The following LRRC4C variants were observed in gnomAD, a reference collection of about 807,000 sequenced individuals.
LRRC4C encodes the protein leucine rich repeat containing 4C.
In LRRC4C, 5 loss-of-function variants were observed where a neutral mutation model predicts 33.6. The observed-to-expected ratio is 0.15, with a 90% confidence interval of 0.08 to 0.31. LRRC4C has a LOEUF of 0.31. LRRC4C is among the 10% of genes least tolerant of loss of function. The probability of loss-of-function intolerance (pLI) is 1.00; values close to 1 mark genes in which losing one functional copy is unlikely to be tolerated. For missense variants in LRRC4C, 560 were observed against 796.7 expected (o/e 0.70, Z 3.58); for synonymous variants, 329 against 302.0 (o/e 1.09, Z -0.93).
At chr11:40,744,218 C>T (rs1363034663) in intron 2 of LRRC4C, among the ~76,000 whole-genome samples, 1 of 151,846 alleles carries the variant, frequency 6.6e-6, no homozygotes, top group Non-Finnish European at 1.5e-5. Flanking sequence ...TTTAGTGTGT[C>T]AGATGGAGCA....
At chr11:40,196,137 C>T (rs1456207703) in intron 5 of LRRC4C, among the ~76,000 whole-genome samples, 3 of 152,098 alleles carry the variant, frequency 2.0e-5, no homozygotes, top group African/African-American at 7.2e-5. Context: ...GAGCTTTTTG[C>T]TTCTCGTGGA....
At chr11:40,274,407 C>A (rs916115890) in intron 4 of LRRC4C, among the ~76,000 whole-genome samples, 1 of 105,678 alleles carries the variant, frequency 9.5e-6, no homozygotes, top group African/African-American at 3.4e-5. Context: ...GCTTACCCTG[C>A]GGAATAGACA....
chr11:41,074,356 T>C (rs970627623), intron 1 of LRRC4C, among the ~76,000 whole-genome samples: 4 of 152,202 alleles, frequency 2.6e-5, no homozygotes, highest in Non-Finnish European at 2.9e-5. Flanking sequence ...CCTTACTCTA[T>C]AATGAAATCA....
chr11:40,907,344 A>C (rs939943484), intron 2 of LRRC4C, among the ~76,000 whole-genome samples: 10 of 152,196 alleles, frequency 6.6e-5, no homozygotes, highest in Non-Finnish European at 1.0e-4. Context: ...AGTTACTAAG[A>C]GGATGCTGTC....
At chr11:40,607,470 CAGA>C in intron 3 of LRRC4C, among the ~76,000 whole-genome samples, 1 of 152,204 alleles carries the variant, frequency 6.6e-6, no homozygotes, top group Middle Eastern at 3.4e-3. Context: ...AACATATCAG[CAGA>C]AGAACACACT....
At chr11:40,402,533 T>TA (rs1011597725) in intron 3 of LRRC4C, among the ~76,000 whole-genome samples, 1 of 152,076 alleles carries the variant, frequency 6.6e-6, no homozygotes, top group African/African-American at 2.4e-5. Flanking sequence ...AACTGATACA[T>TA]ATAGTAGTTA....
chr11:41,132,591 C>T (rs1004238176), intron 1 of LRRC4C, among the ~76,000 whole-genome samples: 2 of 151,918 alleles, frequency 1.3e-5, no homozygotes, highest in African/African-American at 4.8e-5. Context: ...ATTACTGAAC[C>T]TTAATGGAAA....
At chr11:41,111,826 G>A (rs931346897) in intron 1 of LRRC4C, among the ~76,000 whole-genome samples, 2 of 151,968 alleles carry the variant, frequency 1.3e-5, no homozygotes, top group African/African-American at 4.8e-5. Flanking sequence ...TATCCTCATG[G>A]AGATTGTCCA....
intron 2 of LRRC4C, among the ~76,000 whole-genome samples, chr11:40,878,422 C>T (rs1050022672): frequency 6.6e-6 from 1 of 152,152 alleles, no homozygotes; most frequent in Non-Finnish European, 1.5e-5. Flanking sequence ...CTAGCATCAC[C>T]GTCTTAGCTC....
chr11:40,465,305 T>G (rs1171870398), intron 3 of LRRC4C, among the ~76,000 whole-genome samples: 2 of 151,966 alleles, frequency 1.3e-5, no homozygotes, highest in Non-Finnish European at 2.9e-5. Flanking sequence ...ATACAAAAAT[T>G]ATCTCAAGAC....
At chr11:40,454,794 G>A (rs943576610) in intron 3 of LRRC4C, among the ~76,000 whole-genome samples, 1 of 152,008 alleles carries the variant, frequency 6.6e-6, no homozygotes, top group Non-Finnish European at 1.5e-5. Flanking sequence ...CACCTTTATG[G>A]GTGAGCTGGT....
intron 1 of LRRC4C, among the ~76,000 whole-genome samples, chr11:41,370,743 T>G (rs1443208774): frequency 6.6e-6 from 1 of 152,180 alleles, no homozygotes; most frequent in Non-Finnish European, 1.5e-5. Context: ...ATGGTCCCAC[T>G]ATATTGTCCA....
At chr11:41,021,540 A>T (rs887199522) in intron 1 of LRRC4C, among the ~76,000 whole-genome samples, 4 of 152,108 alleles carry the variant, frequency 2.6e-5, no homozygotes, top group Non-Finnish European at 4.4e-5. Flanking sequence ...TAATACACAA[A>T]ACTCAAATTA....
At chr11:41,315,840 C>A (rs1222728828) in intron 1 of LRRC4C, among the ~76,000 whole-genome samples, 1 of 152,144 alleles carries the variant, frequency 6.6e-6, no homozygotes, top group Non-Finnish European at 1.5e-5. Context: ...TAGCTATGAA[C>A]CATGTCTCCA....
Position 41,001,637 on chromosome 11 carries a change from C to T in LRRC4C, c.-495-67914G>A, listed in dbSNP as rs374590095. Among the ~76,000 whole-genome samples the T allele has an allele frequency of 2.0e-4, 30 of 152,010 alleles. 2 individuals are homozygous for T. In the South Asian group the frequency reaches 5.8e-3, roughly 29 times the overall value. On this transcript the variant is annotated intron_variant, in intron 1 of 6. Coordinates refer to ENST00000528697, the MANE Select transcript of LRRC4C (RefSeq NM_001258419.2). The stretch of plus-strand genomic sequence containing the variant: ...TAAAAAAAAAAATCCACCCACATTG[C>T]AAATATCTGCTGAATTTTAACGCAA...
At chr11:41,064,327 T>C (rs1397463128) in intron 1 of LRRC4C, among the ~76,000 whole-genome samples, 1 of 152,242 alleles carries the variant, frequency 6.6e-6, no homozygotes, top group Admixed American at 6.5e-5. Flanking sequence ...AAGCATTCTC[T>C]GCATTCCTGT....
chr11:40,338,973 C>T (rs1304909669), intron 3 of LRRC4C, among the ~76,000 whole-genome samples: 2 of 152,364 alleles, frequency 1.3e-5, no homozygotes, highest in East Asian at 3.9e-4. Flanking sequence ...TGTCTGCGTT[C>T]ATCCTTTTCC....
In LRRC4C at chr11:40,171,466, T is replaced by C. The variant is rs141940576; in HGVS notation, c.-95-30613A>G. Among the ~76,000 whole-genome samples, 341 of 152,286 alleles carry C rather than the reference T, an allele frequency of 2.2e-3. 1 individual carries two copies. Among genetic ancestry groups the C allele is most frequent in the Admixed American group, 3.9e-3 (59 of 15,302 alleles). On this transcript the variant is annotated intron_variant, in intron 5 of 6. Coordinates refer to ENST00000528697, the MANE Select transcript of LRRC4C (RefSeq NM_001258419.2). ...TTGTTTGCTAAATATACTAATTAAA[T>C]GAGGCAATGTATTAAAATGGTTTAC...
At chr11:41,202,871 C>T (rs905576694) in intron 1 of LRRC4C, among the ~76,000 whole-genome samples, 23 of 151,918 alleles carry the variant, frequency 1.5e-4, no homozygotes, top group Admixed American at 1.4e-3. Context: ...CTGCAACCTC[C>T]GCCTCCCGGG....
Sources: allele counts gnomAD v4.1 joint callset (sites outside exome capture counted in the v4.1 genomes callset), GRCh38; gene constraint gnomAD v4.1.1; transcripts MANE v1.5; gene names NCBI Gene and HGNC (gene_info 2026-07-23, HGNC 2026-07-21).